ELOVL6: variants seen among roughly 807,000 people sequenced by gnomAD.
ELOVL6 encodes the protein very long chain fatty acid elongase 6.
ELOVL6 carries 8 observed loss-of-function variants against 31.7 expected under a neutral mutation model. The observed-to-expected ratio is 0.25, with a 90% CI of 0.15 to 0.45. ELOVL6 has a LOEUF of 0.45. Ranked by LOEUF, ELOVL6 falls within the 20% of genes least tolerant of loss-of-function variation. ELOVL6 has a pLI of 1.00. For missense variants in ELOVL6, 126 were observed against 326.4 expected, an observed-to-expected ratio of 0.39 and a Z score of 4.73; for synonymous variants, 101 against 117.7, an observed-to-expected ratio of 0.86 and a Z score of 0.92.
intron 1 of ELOVL6, among the ~76,000 whole-genome samples, chr4:110,166,739 T>TACC (rs1758790136): frequency 6.6e-6 from 1 of 152,214 alleles, no homozygotes; most frequent in African/African-American, 2.4e-5. Flanking sequence ...ATTCTGGTGC[T>TACC]ACCACCATGA....
At chr4:110,133,052 A>G (rs1757714429) in intron 1 of ELOVL6, among the ~76,000 whole-genome samples, 1 of 152,188 alleles carries the variant, frequency 6.6e-6, no homozygotes. Context: ...TCGAAGGTCA[A>G]TACAGAACCT....
intron 1 of ELOVL6, among the ~76,000 whole-genome samples, chr4:110,136,161 A>C (rs1560838843): frequency 6.6e-6 from 1 of 152,158 alleles, no homozygotes. Context: ...TTTCTAGACA[A>C]ATTTTCTCAA....
chr4:110,055,132 A>G (rs1754945018), intron 3 of ELOVL6, among the ~76,000 whole-genome samples: 1 of 152,168 alleles, frequency 6.6e-6, no homozygotes, highest in South Asian at 2.1e-4. Flanking sequence ...GGTCTTGGAT[A>G]TGGCAGCTGA....
chr4:110,084,015 TATAACATATGCC>T (rs1560813526), intron 2 of ELOVL6, among the ~76,000 whole-genome samples: 9 of 70,706 alleles, frequency 1.3e-4, no homozygotes, highest in East Asian at 4.1e-4. Context: ...ATATATGGTA[TATAACATATGCC>T]ATATATGGTA....
chr4:110,158,051 C>T (rs6818143), intron 1 of ELOVL6, among the ~76,000 whole-genome samples: 17,674 of 152,174 alleles, frequency 0.12, 1,108 homozygotes, highest in Non-Finnish European at 0.12. Context: ...TACATTGAAA[C>T]TGTATTTGTC....
intron 1 of ELOVL6, among the ~76,000 whole-genome samples, chr4:110,145,393 C>T (rs901579614): frequency 3.3e-5 from 5 of 152,266 alleles, no homozygotes; most frequent in African/African-American, 7.2e-5. Flanking sequence ...CCCCCTACTC[C>T]GGAAATTACC....
At chr4:110,168,041 T>C (rs1209482959) in intron 1 of ELOVL6, among the ~76,000 whole-genome samples, 1 of 152,190 alleles carries the variant, frequency 6.6e-6, no homozygotes, top group African/African-American at 2.4e-5. Flanking sequence ...CGTCTACTAC[T>C]TAAGATTAAT....
chr4:110,178,126 A>C (rs2126276487), intron 1 of ELOVL6, among the ~76,000 whole-genome samples: 1 of 152,336 alleles, frequency 6.6e-6, no homozygotes, highest in East Asian at 1.9e-4. Context: ...CATTAAAGAA[A>C]CAAATTCTCT....
chr4:110,095,042 G>A (rs1159497792), intron 2 of ELOVL6, among the ~76,000 whole-genome samples: 1 of 152,218 alleles, frequency 6.6e-6, no homozygotes, highest in Non-Finnish European at 1.5e-5. Context: ...CTACCAGCAA[G>A]TTCAGTGGAG....
intron 2 of ELOVL6, among the ~76,000 whole-genome samples, chr4:110,092,809 A>ACC (rs993232101): frequency 2.6e-5 from 4 of 152,112 alleles, no homozygotes; most frequent in African/African-American, 9.7e-5. Flanking sequence ...TAGTACACAC[A>ACC]CACACACACA....
chr4:110,085,026 T>C (rs545459694), intron 2 of ELOVL6, among the ~76,000 whole-genome samples: 2 of 152,268 alleles, frequency 1.3e-5, no homozygotes, highest in South Asian at 2.1e-4. Context: ...GTGTATTGAT[T>C]AAGTTGTGGT....
intron 2 of ELOVL6, among the ~76,000 whole-genome samples, chr4:110,076,236 G>A (rs1180446572): frequency 6.6e-6 from 1 of 152,208 alleles, no homozygotes. Flanking sequence ...GATAAGTGCT[G>A]AAGAAAAGAG....
chr4:110,179,856 TGAA>T (rs1204157078), intron 1 of ELOVL6, among the ~76,000 whole-genome samples: 8 of 152,210 alleles, frequency 5.3e-5, no homozygotes, highest in Non-Finnish European at 8.8e-5. Flanking sequence ...AATTTAATCC[TGAA>T]GAAGGACAAC....
chr4:110,142,571 T>C (rs1001921881), intron 1 of ELOVL6, among the ~76,000 whole-genome samples: 4 of 152,200 alleles, frequency 2.6e-5, no homozygotes, highest in African/African-American at 9.7e-5. Flanking sequence ...GTTAAATGAA[T>C]GACTTAATGG....
At chr4:110,136,978 G>A (rs1757830706) in intron 1 of ELOVL6, among the ~76,000 whole-genome samples, 1 of 152,116 alleles carries the variant, frequency 6.6e-6, no homozygotes, top group African/African-American at 2.4e-5. Context: ...TTTCTTCCTT[G>A]TTGGTTAGAA....
At chr4:110,106,418 C>T (rs946091985) in intron 1 of ELOVL6, among the ~76,000 whole-genome samples, 7 of 152,002 alleles carry the variant, frequency 4.6e-5, no homozygotes, top group Admixed American at 6.6e-5. Flanking sequence ...ACATGCTAAA[C>T]GAGGGGTAGA....
chr4:110,088,363 T>C (rs1166342130), intron 2 of ELOVL6, among the ~76,000 whole-genome samples: 1 of 152,170 alleles, frequency 6.6e-6, no homozygotes, highest in Non-Finnish European at 1.5e-5. Flanking sequence ...CGGGGACACA[T>C]TCCAAGACCC....
chr4:110,056,761 G>A (rs1388689130), intron 3 of ELOVL6, among the ~76,000 whole-genome samples: 1 of 152,134 alleles, frequency 6.6e-6, no homozygotes, highest in Non-Finnish European at 1.5e-5. Context: ...CAGGGAAAGG[G>A]ATTATCATGC....
At chr4:110,055,549 CT>C (rs1353891290) in intron 3 of ELOVL6, among the ~76,000 whole-genome samples, 1 of 152,176 alleles carries the variant, frequency 6.6e-6, no homozygotes, top group African/African-American at 2.4e-5. Flanking sequence ...CCAAGTGTCC[CT>C]TCTTAACTAC....
Sources: gnomAD v4.1 joint callset for allele counts (sites outside exome capture counted in the v4.1 genomes callset) on GRCh38, gnomAD v4.1.1 for gene constraint, MANE v1.5 for transcripts, NCBI Gene and HGNC (gene_info 2026-07-23, HGNC 2026-07-21) for gene names.